Variants in SRP72 observed in about 807,000 individuals in gnomAD.
SRP72 encodes the protein signal recognition particle subunit SRP72.
Under a neutral mutation model 96.3 loss-of-function variants are expected in SRP72, and 49 were observed. The observed-to-expected ratio is 0.51, with a 90% CI of 0.40 to 0.65. SRP72 has a LOEUF of 0.65. Among genes scored for constraint, SRP72 ranks in the 30% least tolerant of loss-of-function variants. SRP72 has a pLI of 0.00. For synonymous variants in SRP72, 267 were observed against 275.2 expected, an observed-to-expected ratio of 0.97 and a Z score of 0.30; for missense variants, 736 against 793.3, an observed-to-expected ratio of 0.93 and a Z score of 0.87.
Position 56,467,719 on chromosome 4 carries a change from G to C in SRP72, c.84G>C (p.Thr28=), listed in dbSNP as rs34158519. ...GGTATGGCCAGAACGGCGACTTCAC[G>C]CGCGCTCTCAAGACCGTCAATAAGA... ...VNRYGQNGDF[T]RALKTVNKIL... The change falls in exon 1 of 19, where the codon ACG becomes ACC. Residue 28 remains threonine, a synonymous_variant. Coordinates refer to ENST00000642900, the MANE Select transcript of SRP72 (RefSeq NM_006947.4). 5.8e-6 allele frequency: 9 copies of C among 1,553,124 alleles called. No homozygotes were observed. In the African/African-American group the frequency reaches 1.3e-4, roughly 22 times the overall value.
intron 9 of SRP72, among the ~76,000 whole-genome samples, 195 bp downstream of exon 9, chr4:56,483,465 C>T (rs556340892): frequency 6.6e-6 from 1 of 152,134 alleles, no homozygotes; most frequent in East Asian, 1.9e-4. Flanking sequence ...GTAATCCTAG[C>T]ACTTTGGGAG....
chr4:56,489,456 A>G lies in SRP72; in HGVS notation c.1293A>G (p.Gln431=). The G allele has an allele frequency of 1.2e-6, 2 of 1,600,352 alleles. No homozygotes were observed. The highest frequency in any genetic ancestry group is 1.7e-6 in the Non-Finnish European group (2 of 1,170,358). The part of the protein sequence containing the change: ...DIDSAIEVFT[Q]AIQWYQNHQP... ...ATAGTGCCATTGAGGTCTTCACACA[A>G]GCTATCCAGTGGTATCAAAACCATC... Residue 431 remains glutamine (Q), a synonymous_variant, in exon 13 of 19, where the codon CAA becomes CAG. Coordinates refer to ENST00000642900, the MANE Select transcript of SRP72 (RefSeq NM_006947.4).
Position 56,478,987 on chromosome 4 carries a change from G to A in SRP72, c.825+338G>A, listed in dbSNP as rs573601464. On this transcript the variant is annotated intron_variant, in intron 8 of 18. Coordinates refer to ENST00000642900, the MANE Select transcript of SRP72 (RefSeq NM_006947.4). ...TACGCATGTTTTATATGATTTCTTC[G>A]TCTATGGAATCTGAATGTGAAAGTG... Among the ~76,000 whole-genome samples the A allele has an allele frequency of 3.9e-5, 6 of 152,032 alleles. No homozygotes were observed. The South Asian group carries it at 8.3e-4, about 21-fold the overall frequency.
rs77694383 is a variant in SRP72, at chr4:56,501,134, G to A, written c.1838+439G>A. 5.5e-3 allele frequency among the ~76,000 whole-genome samples: 843 copies of A among 152,264 alleles called. 7 individuals are homozygous for A. Among genetic ancestry groups the A allele is most frequent in the East Asian group, 0.026 (137 of 5,182 alleles). ...TTTAAAAAATTTTTTCTGGCCGGGC[G>A]CAGTGGCTCACGCCTGTAATCCCAG... On this transcript the variant is annotated intron_variant, in intron 18 of 18. Coordinates refer to ENST00000642900, the MANE Select transcript of SRP72 (RefSeq NM_006947.4).
intron 17 of SRP72, 148 bp from the exon 18 acceptor site, chr4:56,500,388 C>T (rs777694486): frequency 3.2e-5 from 26 of 823,124 alleles, no homozygotes; most frequent in Non-Finnish European, 4.1e-5. Flanking sequence ...AAGACCATTT[C>T]GCCTGCTAGA....
In SRP72 at chr4:56,500,020, A is replaced by G. The variant is rs116284771; in HGVS notation, c.1679-516A>G. Among the ~76,000 whole-genome samples the G allele has an allele frequency of 6.9e-3, 1,056 of 152,198 alleles. 13 individuals carry two copies. The highest frequency in any genetic ancestry group is 0.024 in the African/African-American group (1,012 of 41,430). On this transcript the variant is annotated intron_variant, in intron 17 of 18. Transcript: ENST00000642900. Reference sequence around the variant, plus strand: ...AAGATGTGGCACATAGACACCATCAATACTATGCAGCCATAAAAAACGATG... The same window carrying G: ...AAGATGTGGCACATAGACACCATCAGTACTATGCAGCCATAAAAAACGATG...
chr4:56,491,365 C>T, intron 15 of SRP72, 66 bp from the exon 16 acceptor site: 1 of 1,539,834 alleles, frequency 6.5e-7, no homozygotes, highest in Admixed American at 1.9e-5. Flanking sequence ...CATTGGCAAA[C>T]ATATATATCT....
At chr4:56,494,100 TAGC>T (rs1720998084) in intron 16 of SRP72, among the ~76,000 whole-genome samples, 1 of 152,044 alleles carries the variant, frequency 6.6e-6, no homozygotes, top group African/African-American at 2.4e-5. Flanking sequence ...AAATAAGAAA[TAGC>T]AGAGAACCCT....
rs1720103441 is a variant in SRP72, at chr4:56,474,110, A to C, written c.411A>C (p.Arg137=). Residue 137 remains arginine (R), a synonymous_variant, in exon 4 of 19, where the codon CGA becomes CGC. Transcript: ENST00000642900. ...ECLAVYRDLV[R]NSQDDYDEER... is the part of the protein sequence containing the mutation. ...TAGCAGTGTATAGAGATCTCGTCCG[A>C]AACTCCCAAGATGATTATGATGAGG... is the stretch of plus-strand genomic sequence containing the variant. 6.2e-7 allele frequency: 1 copy of C among 1,614,074 alleles called. No individual in the cohort carries two copies. The highest frequency in any genetic ancestry group is 1.3e-5 in the African/African-American group (1 of 74,946).
intron 5 of SRP72, chr4:56,475,743 CT>C (rs1720190849): frequency 6.6e-6 from 1 of 152,108 alleles, no homozygotes; most frequent in Non-Finnish European, 1.5e-5. Context: ...GTAATACAGA[CT>C]TTTCAGTGAG....
chr4:56,488,932 C>G (rs532132761), intron 12 of SRP72: 1 of 152,814 alleles, frequency 6.5e-6, no homozygotes, highest in African/African-American at 2.4e-5. Context: ...CCCTCCACTC[C>G]AGCTATGTAG....
intron 8 of SRP72, among the ~76,000 whole-genome samples, chr4:56,482,365 G>A (rs921170636): frequency 4.0e-5 from 6 of 151,642 alleles, no homozygotes; most frequent in Non-Finnish European, 5.9e-5. Flanking sequence ...GGAGAATGGC[G>A]TGAACCCGTG....
At chr4:56,478,783 A>ATGGATAGTAT in intron 8 of SRP72, 134 bp downstream of exon 8, 1 of 775,076 alleles carries the variant, frequency 1.3e-6, no homozygotes, top group Non-Finnish European at 2.1e-6. Flanking sequence ...CAAAATCACA[A>ATGGATAGTAT]TGGATAGTAT....
At chr4:56,476,401 T>C (rs1396432356) in intron 5 of SRP72, 2 of 445,954 alleles carry the variant, frequency 4.5e-6, no homozygotes, top group Non-Finnish European at 7.8e-6. Flanking sequence ...TCGCAATTAA[T>C]ATTTACTACA....
At chr4:56,497,038 G>A (rs1199146841) in intron 17 of SRP72, among the ~76,000 whole-genome samples, 2 of 152,024 alleles carry the variant, frequency 1.3e-5, no homozygotes, top group Non-Finnish European at 2.9e-5. Flanking sequence ...ACTTTTTTAT[G>A]TGTGTTTATA....
At chr4:56,469,928 C>G (rs1719902254) in intron 2 of SRP72, among the ~76,000 whole-genome samples, 155 bp downstream of exon 2, 1 of 147,278 alleles carries the variant, frequency 6.8e-6, no homozygotes, top group South Asian at 2.1e-4. Flanking sequence ...TGTTTCTGAA[C>G]TGGAAGGAAT....
rs116182539 is a variant in SRP72, at chr4:56,480,866, A to C, written c.825+2217A>C. 3.4e-3 allele frequency among the ~76,000 whole-genome samples: 512 copies of C among 152,324 alleles called. 2 individuals are homozygous for C. Among genetic ancestry groups the C allele is most frequent in the African/African-American group, 0.012 (480 of 41,570 alleles). On this transcript the variant is annotated intron_variant, in intron 8 of 18. Transcript: ENST00000642900. The stretch of plus-strand genomic sequence containing the variant: ...AAGGATCTCTGGTTTGGCAAGTTTG[A>C]GCTGACCCTTGAAGGAGGACTGTGG...
intron 5 of SRP72, 39 bp from the exon 6 acceptor site, chr4:56,476,632 C>T: frequency 6.2e-7 from 1 of 1,606,502 alleles, no homozygotes. Context: ...ATGGGATTTA[C>T]CCAGCAATAC....
rs558204911 is a variant in SRP72 at position 56,492,854 on chromosome 4, T to C, written c.1640+1286T>C. 6.6e-5 allele frequency among the ~76,000 whole-genome samples: 10 copies of C among 152,218 alleles called. No homozygotes were observed. In the South Asian group the frequency reaches 2.1e-3, roughly 32 times the overall value. ...ACGCAGTTCCTTCTTTAGCCTGGCA[T>C]AGTGGCTCTGTGTTCCAGTTACTGG... On this transcript the variant is annotated intron_variant, in intron 16 of 18. Transcript: ENST00000642900.
Sources: allele counts gnomAD v4.1 joint callset (sites outside exome capture counted in the v4.1 genomes callset), GRCh38; gene constraint gnomAD v4.1.1; transcripts MANE v1.5; gene names NCBI Gene and HGNC (gene_info 2026-07-23, HGNC 2026-07-21).